The following LNX1 variants were observed in gnomAD, a reference collection of about 807,000 sequenced individuals.
LNX1 encodes E3 ubiquitin-protein ligase LNX.
Under a neutral mutation model 68.4 loss-of-function variants are expected in LNX1, and 54 were observed. The ratio of observed to expected loss-of-function variants is 0.79; its 90% CI spans 0.63 to 0.99. LNX1 has a LOEUF of 0.99. Ranked by LOEUF, LNX1 falls within the 50% of genes least tolerant of loss-of-function variation. The probability of loss-of-function intolerance (pLI) is 0.00; values close to 1 mark genes in which losing one functional copy is unlikely to be tolerated. For missense variants in LNX1, 906 were observed against 926.4 expected (o/e 0.98, Z 0.29); for synonymous variants, 336 against 350.0 (o/e 0.96, Z 0.45).
chr4:53,479,179 C>T (rs1044439763), intron 7 of LNX1, among the ~76,000 whole-genome samples: 1 of 152,236 alleles, frequency 6.6e-6, no homozygotes. Flanking sequence ...GCATGAGCCA[C>T]TGCTCCTGGC....
intron 2 of LNX1, among the ~76,000 whole-genome samples, chr4:53,564,539 C>T (rs542444460): frequency 1.6e-3 from 239 of 152,298 alleles, no homozygotes; most frequent in African/African-American, 5.6e-3. Flanking sequence ...AATAATTATT[C>T]CCCAGAGATG....
At chr4:53,612,342 A>G (rs1386495978) in intron 2 of LNX1, among the ~76,000 whole-genome samples, 1 of 152,202 alleles carries the variant, frequency 6.6e-6, no homozygotes, top group Non-Finnish European at 1.5e-5. Flanking sequence ...TAAAATACAG[A>G]CAGTCTTTAG....
At chr4:53,568,884 C>T (rs1217469572) in intron 2 of LNX1, among the ~76,000 whole-genome samples, 1 of 151,948 alleles carries the variant, frequency 6.6e-6, no homozygotes, top group African/African-American at 2.4e-5. Context: ...AAACAGAGAG[C>T]CAAATCATGA....
chr4:53,466,929 C>A lies in LNX1; in HGVS notation c.1893-5336G>T, dbSNP rs181970356. ...TCCATCTCTGGGGGCAGGGCACAGACAAACAAAAGGCAGCAGTAACCTCTG... is the reference window on the plus strand; with the variant it reads ...TCCATCTCTGGGGGCAGGGCACAGAAAAACAAAAGGCAGCAGTAACCTCTG... On this transcript the variant is annotated intron_variant, in intron 9 of 10. Coordinates refer to ENST00000263925, the MANE Select transcript of LNX1 (RefSeq NM_001126328.3). 7.3e-3 allele frequency among the ~76,000 whole-genome samples: 1,111 copies of A among 152,312 alleles called. 13 individuals are homozygous for A. The highest frequency in any genetic ancestry group is 0.025 in the African/African-American group (1,052 of 41,584).
At chr4:53,642,397 C>G (rs1296718146) in intron 1 of LNX1, among the ~76,000 whole-genome samples, 1 of 151,984 alleles carries the variant, frequency 6.6e-6, no homozygotes, top group African/African-American at 2.4e-5. Context: ...GTAGGTAACA[C>G]TGGAAATGAT....
chr4:53,606,023 A>G (rs1311880039), intron 2 of LNX1, among the ~76,000 whole-genome samples: 1 of 152,108 alleles, frequency 6.6e-6, no homozygotes, highest in East Asian at 1.9e-4. Flanking sequence ...CCTTGTCTTT[A>G]TCACAAGTGG....
Position 53,508,017 on chromosome 4 carries a change from T to A in LNX1, c.591A>T (p.Pro197=). The A allele has an allele frequency of 6.2e-7, 1 of 1,614,140 alleles. No individual in the cohort carries two copies. Among genetic ancestry groups the A allele is most frequent in the Non-Finnish European group, 8.5e-7 (1 of 1,180,002 alleles). Residue 197 remains proline (P), a synonymous_variant, in exon 3 of 11, where the codon CCA becomes CCT. Coordinates refer to ENST00000263925, the MANE Select transcript of LNX1 (RefSeq NM_001126328.3). ...TTCGGTTGCTCCGGCCAGAGTCCAC[T>A]GGGCTGATTGCTGGCTGCCCGTCCT... ...SAEDGQPAIS[P]VDSGRSNRTR...
At chr4:53,543,179 G>A (rs1252788698) in intron 2 of LNX1, among the ~76,000 whole-genome samples, 1 of 152,182 alleles carries the variant, frequency 6.6e-6, no homozygotes, top group Non-Finnish European at 1.5e-5. Context: ...ACTGTTATCC[G>A]AAGGTCAGTT....
chr4:53,651,447 A>G (rs1383134695), intron 1 of LNX1, among the ~76,000 whole-genome samples: 1 of 152,228 alleles, frequency 6.6e-6, no homozygotes, highest in Non-Finnish European at 1.5e-5. Context: ...ACAGGAATAC[A>G]TGACAAGGTG....
At chr4:53,487,399 G>T (rs1222673237) in intron 6 of LNX1, among the ~76,000 whole-genome samples, 1 of 152,172 alleles carries the variant, frequency 6.6e-6, no homozygotes, top group African/African-American at 2.4e-5. Context: ...TGAGATATAG[G>T]TATATGCTTA....
At chr4:53,598,254 A>G (rs62325482) in intron 2 of LNX1, among the ~76,000 whole-genome samples, 7,408 of 148,348 alleles carry the variant, frequency 0.05, 270 homozygotes, top group Middle Eastern at 0.11. Flanking sequence ...TTTTTTTGAG[A>G]CAGGGTCTTG....
intron 1 of LNX1, among the ~76,000 whole-genome samples, chr4:53,581,359 C>T (rs1022620154): frequency 2.0e-5 from 3 of 152,124 alleles, no homozygotes; most frequent in African/African-American, 7.2e-5. Flanking sequence ...ATTCTCCAAA[C>T]AATTTTAGAA....
intron 2 of LNX1, among the ~76,000 whole-genome samples, chr4:53,516,259 A>G (rs1726774889): frequency 6.6e-6 from 1 of 152,178 alleles, no homozygotes; most frequent in Non-Finnish European, 1.5e-5. Context: ...TAAAAAAAGA[A>G]TCACGCAAAA....
At chr4:53,531,118 T>TAC (rs1460930525) in intron 2 of LNX1, among the ~76,000 whole-genome samples, 1 of 152,126 alleles carries the variant, frequency 6.6e-6, no homozygotes, top group Non-Finnish European at 1.5e-5. Flanking sequence ...GTGAGCCAAA[T>TAC]ACACACACAG....
chr4:53,608,410 G>A (rs1733316804), intron 2 of LNX1, among the ~76,000 whole-genome samples: 1 of 152,204 alleles, frequency 6.6e-6, no homozygotes, highest in Non-Finnish European at 1.5e-5. Flanking sequence ...AAGCCACAAT[G>A]TGATACCATC....
chr4:53,484,194 T>C (rs1724136206), intron 6 of LNX1, among the ~76,000 whole-genome samples: 1 of 152,176 alleles, frequency 6.6e-6, no homozygotes, highest in Non-Finnish European at 1.5e-5. Context: ...CCTAGGATAG[T>C]GTATTTTGTT....
intron 2 of LNX1, among the ~76,000 whole-genome samples, chr4:53,572,047 T>A (rs1731202966): frequency 6.6e-6 from 1 of 152,168 alleles, no homozygotes; most frequent in Admixed American, 6.5e-5. Flanking sequence ...AATGTATAAT[T>A]GCAACACGGG....
intron 2 of LNX1, among the ~76,000 whole-genome samples, chr4:53,530,246 T>C (rs2109615186): frequency 6.6e-6 from 1 of 152,186 alleles, no homozygotes; most frequent in East Asian, 1.9e-4. Context: ...ACAGAAAGAA[T>C]CGTAAGTAAA....
chr4:53,496,075 T>C lies in LNX1; in HGVS notation c.1298A>G (p.Asn433Ser). The C allele has an allele frequency of 1.9e-6, 3 of 1,614,216 alleles. No individual in the cohort carries two copies. The highest frequency in any genetic ancestry group is 1.3e-5 in the African/African-American group (1 of 75,050). The change falls in exon 6 of 11, where the codon AAT (asparagine) becomes AGT (serine). Residue 433 changes from asparagine (N) to serine (S), a missense_variant. Transcript: ENST00000263925. ...LEENDRVLAINGHDLRYGSPE... is the reference protein window; with the variant it reads ...LEENDRVLAISGHDLRYGSPE... ...GCTGCCATATCGAAGATCATGTCCATTGATGGCTAACACACGGTCATTCTC... is the reference window on the plus strand; with the variant it reads ...GCTGCCATATCGAAGATCATGTCCACTGATGGCTAACACACGGTCATTCTC...
Sources: gnomAD v4.1 joint callset for allele counts (sites outside exome capture counted in the v4.1 genomes callset) on GRCh38, gnomAD v4.1.1 for gene constraint, MANE v1.5 for transcripts, NCBI Gene and HGNC (gene_info 2026-07-23, HGNC 2026-07-21) for gene names.